Variants in PPIL2 observed in about 807,000 individuals in gnomAD.
The protein encoded by PPIL2 is peptidylprolyl isomerase like 2, also known as RING-type E3 ubiquitin-protein ligase PPIL2.
PPIL2 carries 50 observed loss-of-function variants against 75.2 expected under a neutral mutation model. The ratio of observed to expected loss-of-function variants is 0.66; its 90% confidence interval spans 0.53 to 0.84. The LOEUF is 0.84. PPIL2 is among the 40% of genes least tolerant of loss of function. The pLI, the probability that PPIL2 is intolerant of heterozygous loss-of-function variation, is 0.00. For missense variants in PPIL2, 590 were observed against 685.0 expected (o/e 0.86, Z 1.55); for synonymous variants, 245 against 258.8 (o/e 0.95, Z 0.51).
chr22:21,682,750 G>T (rs967594213), intron 8 of PPIL2, among the ~76,000 whole-genome samples: 1 of 152,254 alleles, frequency 6.6e-6, no homozygotes, highest in Admixed American at 6.5e-5. Context: ...GGTCCCTGCA[G>T]GTGTCAGAGA....
intron 1 of PPIL2, among the ~76,000 whole-genome samples, chr22:21,667,259 A>C (rs1484538888): frequency 1.3e-5 from 2 of 150,374 alleles, no homozygotes; most frequent in Non-Finnish European, 2.9e-5. Context: ...CGGCTTCAAG[A>C]GATTTTCCTG....
At chr22:21,668,169 T>TCC (rs34453278) in intron 1 of PPIL2, among the ~76,000 whole-genome samples, 2 of 151,370 alleles carry the variant, frequency 1.3e-5, no homozygotes, top group South Asian at 4.2e-4. Flanking sequence ...AAACCCTAAG[T>TCC]CCCCCCACTG....
chr22:21,693,777 G>A (rs1401551390), intron 15 of PPIL2, 39 bp from the exon 16 acceptor site: 3 of 1,520,804 alleles, frequency 2.0e-6, no homozygotes, highest in East Asian at 2.3e-5. Flanking sequence ...GGTGCAGAAG[G>A]TGCCATGCTC....
At chr22:21,672,270 G>A (rs2148505429) in intron 4 of PPIL2, 60 bp from the exon 5 acceptor site, 1 of 1,466,252 alleles carries the variant, frequency 6.8e-7, no homozygotes, top group Non-Finnish European at 9.5e-7. Context: ...AGACCACAGT[G>A]TTGTTACCAG....
At chr22:21,684,708 G>A in intron 9 of PPIL2, 45 bp from the exon 10 acceptor site, 1 of 1,603,448 alleles carries the variant, frequency 6.2e-7, no homozygotes. Flanking sequence ...GTGTGGGGAG[G>A]CTACTGGGGG....
Position 21,695,565 on chromosome 22 carries a change from T to C in PPIL2, c.*75T>C. The C allele has an allele frequency of 6.5e-7, 1 of 1,545,498 alleles. No homozygotes were observed. The highest frequency in any genetic ancestry group is 2.4e-5 in the East Asian group (1 of 41,002). ...CATGTCCACATCTCCATTTCCAGCCTTTCTAGCCTGCCCTCTGCTGCCAGC... is the reference window on the plus strand; with the variant it reads ...CATGTCCACATCTCCATTTCCAGCCCTTCTAGCCTGCCCTCTGCTGCCAGC... On this transcript the variant is annotated 3_prime_UTR_variant, in exon 20 of 20. Transcript: ENST00000398831.
intron 1 of PPIL2, 135 bp downstream of exon 1, chr22:21,666,266 G>A: frequency 1.9e-6 from 2 of 1,073,138 alleles, no homozygotes; most frequent in Non-Finnish European, 2.6e-6. Context: ...CCCGGAAGCT[G>A]CCGCCCTGTC....
At chr22:21,687,582 G>T in intron 12 of PPIL2, 61 bp from the exon 13 acceptor site, 1 of 909,934 alleles carries the variant, frequency 1.1e-6, no homozygotes. Context: ...GCCTCCTGTG[G>T]CTGTGGTGAG....
At chr22:21,685,381 G>T (rs1267685489) in intron 10 of PPIL2, among the ~76,000 whole-genome samples, 4 of 152,138 alleles carry the variant, frequency 2.6e-5, no homozygotes, top group Non-Finnish European at 5.9e-5. Context: ...GACGTGGATG[G>T]CATGCCTGGG....
rs988834808 is a variant in PPIL2 at position 21,686,827 on chromosome 22, C to T, written c.791-65C>T. The T allele has an allele frequency of 1.3e-5, 20 of 1,486,520 alleles. No homozygotes were observed. The African/African-American group carries it at 2.8e-4, about 21-fold the overall frequency. 92.1% of individuals were successfully genotyped at this position (1,486,520 alleles called of 1,614,324 possible). On this transcript the variant is annotated intron_variant, in intron 11 of 19. Coordinates refer to ENST00000398831, the MANE Select transcript of PPIL2 (RefSeq NM_014337.4). ...CCCGCCTGTGTGTCTGAGGTCGGTG[C>T]TGCCTGGCATGGTGGGGCTGCCCCA...
rs201569186 is a variant in PPIL2, at chr22:21,694,568, A to G, written c.1197-25A>G. The G allele has an allele frequency of 2.3e-4, 368 of 1,613,378 alleles. 5 individuals carry two copies. The East Asian group carries it at 7.7e-3, about 34-fold the overall frequency. On this transcript the variant is annotated intron_variant, in intron 16 of 19. Transcript: ENST00000398831. The stretch of plus-strand genomic sequence containing the variant: ...GGGTGCCCTCCTTGAGCACACGCAG[A>G]CCCACCTCTGTCTCCCTGCTGCAGG...
At chr22:21,676,094 C>T (rs1444352551) in intron 6 of PPIL2, among the ~76,000 whole-genome samples, 1 of 152,194 alleles carries the variant, frequency 6.6e-6, no homozygotes, top group Non-Finnish European at 1.5e-5. Flanking sequence ...TTTTGCCCCG[C>T]TTGTCTGAGC....
At chr22:21,682,665 C>A in intron 8 of PPIL2, 139 bp downstream of exon 8, 1 of 595,844 alleles carries the variant, frequency 1.7e-6, no homozygotes, top group Non-Finnish European at 2.8e-6. Flanking sequence ...AGCCACTCTG[C>A]AGGCCTGGCT....
At chr22:21,668,954 G>A (rs538439663) in intron 1 of PPIL2, among the ~76,000 whole-genome samples, 3 of 150,950 alleles carry the variant, frequency 2.0e-5, no homozygotes, top group Non-Finnish European at 2.9e-5. Context: ...CTGGTGATCC[G>A]CCCGCCTCGG....
chr22:21,698,381 A>C (rs1401625977), downstream of PPIL2: 2 of 152,356 alleles, frequency 1.3e-5, no homozygotes, highest in East Asian at 3.7e-4. Flanking sequence ...GAACTTGCCC[A>C]AAACAGAAAA....
At chr22:21,686,589 C>T (rs1314083209) in intron 11 of PPIL2, 31 bp downstream of exon 11, 2 of 1,602,472 alleles carry the variant, frequency 1.2e-6, no homozygotes, top group Admixed American at 3.3e-5. Flanking sequence ...AGCCACCTGC[C>T]ATGTGACCCA....
Position 21,697,669 on chromosome 22 carries a change from A to T in PPIL2, c.*2179A>T, listed in dbSNP as rs2067991575. On this transcript the variant is annotated 3_prime_UTR_variant, in exon 20 of 20. Coordinates refer to ENST00000398831, the MANE Select transcript of PPIL2 (RefSeq NM_014337.4). ...CTCGGCAGTCCTGCTCCTTGCAGTG[A>T]AGCCACCATGGGTGACCGTCCAGCC... The T allele has an allele frequency of 6.5e-6, 1 of 152,674 alleles. No homozygotes were observed. Among genetic ancestry groups the T allele is most frequent in the Admixed American group, 6.5e-5 (1 of 15,288 alleles). 9.5% of individuals were successfully genotyped at this position (152,674 alleles called of 1,614,324 possible). A position where few individuals can be genotyped will look rare whatever the true frequency, so the allele number is the denominator to read the frequency against.
downstream of PPIL2, chr22:21,698,261 CAAAAA>C (rs35100577): frequency 8.1e-6 from 1 of 123,204 alleles, no homozygotes; most frequent in African/African-American, 3.1e-5. Flanking sequence ...GTATAAATTA[CAAAAA>C]AAAAAAAAAA....
chr22:21,693,990 CA>C, intron 16 of PPIL2, 118 bp downstream of exon 16: 1 of 1,129,010 alleles, frequency 8.9e-7, no homozygotes, highest in African/African-American at 1.5e-5. Context: ...TGCTGGCCAT[CA>C]CTGCTGGGGG....
Sources: allele counts gnomAD v4.1 joint callset (sites outside exome capture counted in the v4.1 genomes callset), GRCh38; gene constraint gnomAD v4.1.1; transcripts MANE v1.5; gene names NCBI Gene and HGNC (gene_info 2026-07-23, HGNC 2026-07-21).